ZBTB47: variants seen among roughly 807,000 people sequenced by gnomAD.
ZBTB47 encodes the protein zinc finger and BTB domain containing 47.
ZBTB47 carries 24 observed loss-of-function variants against 56.6 expected under a neutral mutation model. The ratio of observed to expected loss-of-function variants is 0.42; its 90% confidence interval spans 0.31 to 0.60. ZBTB47 has a LOEUF of 0.60. Ranked by LOEUF, ZBTB47 falls within the 20% of genes least tolerant of loss-of-function variation. The probability of loss-of-function intolerance (pLI) is 0.14; values close to 1 mark genes in which losing one functional copy is unlikely to be tolerated. For synonymous variants in ZBTB47, 414 were observed against 418.9 expected (o/e 0.99, Z 0.14); for missense variants, 829 against 1,032.6 (o/e 0.80, Z 2.70).
In ZBTB47 at chr3:42,658,866, G is replaced by C; in HGVS notation, c.511G>C (p.Ala171Pro). ...DPYSVRVEDG[A>P]GTAGGTVPAT... is the part of the protein sequence containing the mutation. ...TTACTCGGTGCGTGTTGAGGACGGGGCAGGGACTGCTGGTGGCACAGTGCC... is the reference window on the plus strand; with the variant it reads ...TTACTCGGTGCGTGTTGAGGACGGGCCAGGGACTGCTGGTGGCACAGTGCC... Residue 171 changes from alanine (A) to proline (P), a missense_variant, in exon 2 of 6, where the codon GCA (alanine) becomes CCA (proline). Ala to Pro is a conservative substitution (Grantham distance 27). This residue lies in a region of ZBTB47 where 359 missense variants were observed against 359.8 expected (regional missense o/e 1.00). Coordinates refer to ENST00000232974, the MANE Select transcript of ZBTB47 (RefSeq NM_145166.4). 6.6e-7 allele frequency: 1 copy of C among 1,523,548 alleles called. No homozygotes were observed. The highest frequency in any genetic ancestry group is 8.8e-7 in the Non-Finnish European group (1 of 1,139,876). The allele number at this position is 1,523,548 out of a possible 1,614,324, so 94.4% of individuals were successfully genotyped here. A position where few individuals can be genotyped will look rare whatever the true frequency, so the allele number is the denominator to read the frequency against.
intron 1 of ZBTB47, among the ~76,000 whole-genome samples, chr3:42,658,035 C>T (rs148273217): frequency 3.8e-4 from 58 of 152,336 alleles, no homozygotes; most frequent in Middle Eastern, 3.4e-3. Context: ...GACCCAGAGG[C>T]CCAGAAAGTG....
chr3:42,664,905 G>C lies in ZBTB47; in HGVS notation c.*307G>C, dbSNP rs1272333645. 2 of 228,986 alleles carry C rather than the reference G, an allele frequency of 8.7e-6. No homozygotes were observed. The highest frequency in any genetic ancestry group is 8.4e-6 in the Non-Finnish European group (1 of 119,044). 14.2% of individuals were successfully genotyped at this position (228,986 alleles called of 1,614,324 possible). A position where few individuals can be genotyped will look rare whatever the true frequency, so the allele number is the denominator to read the frequency against. The stretch of plus-strand genomic sequence containing the variant: ...ATTTACAGCACTCCCCTCCAGGTGA[G>C]GGGGGTGCTGGGGGTCTGCAGCAGA... On this transcript the variant is annotated 3_prime_UTR_variant, in exon 6 of 6. Transcript: ENST00000232974.
At chr3:42,661,395 A>C in intron 2 of ZBTB47, 90 bp from the exon 3 acceptor site, 1 of 1,460,356 alleles carries the variant, frequency 6.8e-7, no homozygotes, top group Non-Finnish European at 9.3e-7. Context: ...TTCAAGTGGG[A>C]AAACTGAGGC....
At chr3:42,657,530 C>A (rs1468149271) in intron 1 of ZBTB47, among the ~76,000 whole-genome samples, 1 of 152,200 alleles carries the variant, frequency 6.6e-6, no homozygotes, top group African/African-American at 2.4e-5. Flanking sequence ...CTGGCCCAAG[C>A]CCTGGCTGTG....
intron 2 of ZBTB47, among the ~76,000 whole-genome samples, chr3:42,660,779 G>A (rs748300441): frequency 2.0e-5 from 3 of 152,140 alleles, no homozygotes; most frequent in Non-Finnish European, 4.4e-5. Context: ...TAACTGCTGC[G>A]CACCTGAGTC....
In ZBTB47 at chr3:42,656,354, G is replaced by A. The variant is rs1035299543; in HGVS notation, c.-81-1921G>A. ...AGGAAGGGGTGGTCTTAGCGGAGCT[G>A]GGAGTCCAGGGGCTCTGGACTGTGG... On this transcript the variant is annotated intron_variant, in intron 1 of 5. Transcript: ENST00000232974. The surrounding 1 kb of genome is among the most constrained non-coding windows in gnomAD (Gnocchi z 5.8). Among the ~76,000 whole-genome samples, 1 of 152,214 alleles carries A rather than the reference G, an allele frequency of 6.6e-6. No individual in the cohort carries two copies. The highest frequency in any genetic ancestry group is 1.5e-5 in the Non-Finnish European group (1 of 68,028).
At position 42,659,404 on chromosome 3, in the gene ZBTB47, GGGA is replaced by G. The variant is rs2125837308; in HGVS notation, c.1055_1057del (p.Glu352del). ...CAAGAGAGCTCTGAGGAGGAGGAGG[GGGA>G]GGAGGGGGAGGCTGGGGGCAAGCAG... On this transcript the variant is annotated inframe_deletion, in exon 2 of 6. Transcript: ENST00000232974. 2.1e-6 allele frequency: 3 copies of G among 1,436,756 alleles called. No individual in the cohort carries two copies. Among genetic ancestry groups the G allele is most frequent in the Non-Finnish European group, 2.7e-6 (3 of 1,098,748 alleles). The allele number at this position is 1,436,756 out of a possible 1,614,324, so 89.0% of individuals were successfully genotyped here.
rs1277199587 is a variant in ZBTB47 at position 42,662,999 on chromosome 3, G to A, written c.1622-13G>A. 1.9e-6 allele frequency: 3 copies of A among 1,604,018 alleles called. No individual in the cohort carries two copies. Among genetic ancestry groups the A allele is most frequent in the East Asian group, 2.2e-5 (1 of 44,738 alleles). On this transcript the variant is annotated splice_polypyrimidine_tract_variant and intron_variant, in intron 3 of 5. Coordinates refer to ENST00000232974, the MANE Select transcript of ZBTB47 (RefSeq NM_145166.4). ...GCCCGTAAAACATGATGGCCCTGGT[G>A]CCCACCTCGTAGCCCACACCAAGGA...
chr3:42,659,314 A>C lies in ZBTB47; in HGVS notation c.959A>C (p.Asp320Ala). 6.8e-7 allele frequency: 1 copy of C among 1,467,274 alleles called. No individual in the cohort carries two copies. The highest frequency in any genetic ancestry group is 9.2e-7 in the Non-Finnish European group (1 of 1,089,434). The allele number at this position is 1,467,274 out of a possible 1,614,324, so 90.9% of individuals were successfully genotyped here. Residue 320 changes from aspartate (D) to alanine (A), a missense_variant, in exon 2 of 6, where the codon GAC (aspartate) becomes GCC (alanine). By Grantham distance (126) the Asp-to-Ala change is moderately radical. Transcript: ENST00000232974. ...GGAGAAGAGGAAGAAGAGGAGGAGGACGGGCACAGTGAGCAGGAAGAGGAA... is the reference window on the plus strand; with the variant it reads ...GGAGAAGAGGAAGAAGAGGAGGAGGCCGGGCACAGTGAGCAGGAAGAGGAA... ...SQGEEEEEEE[D>A]GHSEQEEEEE...
Position 42,654,609 on chromosome 3 carries a change from G to A in ZBTB47, c.-82+726G>A. The A allele has an allele frequency of 2.1e-6, 2 of 934,314 alleles. No individual in the cohort carries two copies. Among genetic ancestry groups the A allele is most frequent in the Non-Finnish European group, 2.5e-6 (2 of 784,492 alleles). The allele number at this position is 934,314 out of a possible 1,614,324, so 57.9% of individuals were successfully genotyped here. A position where few individuals can be genotyped will look rare whatever the true frequency, so the allele number is the denominator to read the frequency against. ...CCTGCGCGGGGGCGGCCCCCAGCGC[G>A]GCGCTTCATGGAGCGGCCCTGGCCT... On this transcript the variant is annotated intron_variant, in intron 1 of 5. Transcript: ENST00000232974. The surrounding 1 kb of genome is among the most constrained non-coding windows in gnomAD (Gnocchi z 5.0).
In ZBTB47 at chr3:42,659,792, G is replaced by A. The variant is rs749503142; in HGVS notation, c.1437G>A (p.Leu479=). Residue 479 remains leucine, a synonymous_variant, in exon 2 of 6, where the codon CTG becomes CTA. Transcript: ENST00000232974. ...GKRFLLESEL[L]LHRQTDCERN... ...GCTTCCTGCTGGAGAGCGAGCTGCT[G>A]CTGCACAGGCAGACAGACTGCGAGC... 1 of 1,612,850 alleles carries A rather than the reference G, an allele frequency of 6.2e-7. No individual in the cohort carries two copies. Among genetic ancestry groups the A allele is most frequent in the Non-Finnish European group, 8.5e-7 (1 of 1,179,302 alleles).
At chr3:42,658,004 T>C (rs552609819) in intron 1 of ZBTB47, among the ~76,000 whole-genome samples, 1 of 152,302 alleles carries the variant, frequency 6.6e-6, no homozygotes, top group South Asian at 2.1e-4. Context: ...CTGGGATGAC[T>C]TTTCCCATTT....
chr3:42,665,939 T>G lies in ZBTB47; in HGVS notation c.*1341T>G, dbSNP rs964118907. The G allele has an allele frequency of 6.5e-6, 1 of 152,790 alleles. No homozygotes were observed. Among genetic ancestry groups the G allele is most frequent in the South Asian group, 2.1e-4 (1 of 4,828 alleles). The allele number at this position is 152,790 out of a possible 1,614,324, so 9.5% of individuals were successfully genotyped here. The stretch of plus-strand genomic sequence containing the variant: ...CCTAGTTAAGCTCTTTCCTATTGTG[T>G]TTATACAGTTTTGTTTGTTATACTC... On this transcript the variant is annotated 3_prime_UTR_variant, in exon 6 of 6. Coordinates refer to ENST00000232974, the MANE Select transcript of ZBTB47 (RefSeq NM_145166.4).
rs1710770549 is a variant in ZBTB47, at chr3:42,664,987, AG to A, written c.*393del. The stretch of plus-strand genomic sequence containing the variant: ...GTCCCTCTGCCAAGGCCTGTGCCAG[AG>A]GGGTTGGCCAGTTGGAGCCTGGGTC... On this transcript the variant is annotated 3_prime_UTR_variant, in exon 6 of 6. Transcript: ENST00000232974. 1 of 169,302 alleles carries A rather than the reference AG, an allele frequency of 5.9e-6. No homozygotes were observed. The highest frequency in any genetic ancestry group is 6.4e-5 in the Admixed American group (1 of 15,694). 10.5% of individuals were successfully genotyped at this position (169,302 alleles called of 1,614,324 possible).
intron 2 of ZBTB47, among the ~76,000 whole-genome samples, chr3:42,660,597 T>C (rs572179200): frequency 6.6e-6 from 1 of 152,330 alleles, no homozygotes; most frequent in East Asian, 1.9e-4. Flanking sequence ...TCACCTCTTC[T>C]GGCCCAGGAG....
rs766829045 is a variant in ZBTB47 at position 42,659,270 on chromosome 3, G to A, written c.915G>A (p.Glu305=). Residue 305 remains glutamate, a synonymous_variant, in exon 2 of 6, where the codon GAG becomes GAA. Transcript: ENST00000232974. The stretch of plus-strand genomic sequence containing the variant: ...GCAGTGGACGGGAGGAGGAGGAGGA[G>A]GAAGAGGGTGGCAGTCAGGGAGAAG... ...GGGSGREEEE[E]EEGGSQGEEE... is the part of the protein sequence containing the mutation. 4.7e-6 allele frequency: 7 copies of A among 1,494,828 alleles called. No individual in the cohort carries two copies. In the African/African-American group the frequency reaches 8.3e-5, roughly 18 times the overall value. The allele number at this position is 1,494,828 out of a possible 1,614,324, so 92.6% of individuals were successfully genotyped here.
At position 42,664,430 on chromosome 3, in the gene ZBTB47, C is replaced by A; in HGVS notation, c.2076C>A (p.Asp692Glu). 1.3e-6 allele frequency: 2 copies of A among 1,540,952 alleles called. No individual in the cohort carries two copies. The highest frequency in any genetic ancestry group is 2.4e-5 in the East Asian group (1 of 40,988). Residue 692 changes from aspartate to glutamate, a missense_variant, in exon 6 of 6, where the codon GAC (aspartate) becomes GAA (glutamate). By Grantham distance (45) the Asp-to-Glu change is conservative. This residue lies in a region of ZBTB47 where 115 missense variants were observed against 117.2 expected (regional missense o/e 0.98). Transcript: ENST00000232974. ...CFRVSHTLAGDGVPAAPGLPP... is the reference protein window; with the variant it reads ...CFRVSHTLAGEGVPAAPGLPP... ...GCGTCAGCCACACCCTGGCCGGCGA[C>A]GGCGTCCCCGCTGCCCCAGGCCTGC...
rs1710620115 is a variant in ZBTB47 at position 42,654,935 on chromosome 3, T to C, written c.-82+1052T>C. On this transcript the variant is annotated intron_variant, in intron 1 of 5. Coordinates refer to ENST00000232974, the MANE Select transcript of ZBTB47 (RefSeq NM_145166.4). This position sits in a 1 kb window ranked among gnomAD's most constrained non-coding sequence, Gnocchi z 5.0. ...CCGGCGCGCGAGGCTGAGGTCTTGC[T>C]AGGCACCGGCGAAGGGGGGCGCTCC... is the stretch of plus-strand genomic sequence containing the variant. Among the ~76,000 whole-genome samples the C allele has an allele frequency of 6.6e-6, 1 of 151,572 alleles. No homozygotes were observed.
In ZBTB47 at chr3:42,654,568, G is replaced by C. The variant is rs1288263445; in HGVS notation, c.-82+685G>C. ...CGCCTGCCTGGCCGCGCCCCCGGGG[G>C]CCATGGTCGCGGGGCCCTGCGCGGG... On this transcript the variant is annotated intron_variant, in intron 1 of 5. Transcript: ENST00000232974. The surrounding 1 kb of genome is among the most constrained non-coding windows in gnomAD (Gnocchi z 5.0). The C allele has an allele frequency of 3.9e-6, 2 of 516,898 alleles. No homozygotes were observed. The highest frequency in any genetic ancestry group is 5.0e-6 in the Non-Finnish European group (2 of 403,620). 32.0% of individuals were successfully genotyped at this position (516,898 alleles called of 1,614,324 possible).
Sources: gnomAD v4.1 joint callset for allele counts (sites outside exome capture counted in the v4.1 genomes callset) on GRCh38, gnomAD v4.1.1 for gene constraint, gnomAD v4.1.1 regional missense constraint, Gnocchi (gnomAD v3.1) non-coding constraint, MANE v1.5 for transcripts, NCBI Gene and HGNC (gene_info 2026-07-23, HGNC 2026-07-21) for gene names.